Variants in WDR90 observed in about 807,000 individuals in gnomAD.
The protein encoded by WDR90 is WD repeat-containing protein 90.
A neutral mutation model predicts 195.2 loss-of-function variants in WDR90; 238 were observed. That is an observed-to-expected ratio of 1.22 (90% CI 1.10 to 1.36). The LOEUF is 1.36. Ranked by LOEUF, WDR90 falls within the 40% of genes most tolerant of loss-of-function variation. The probability of loss-of-function intolerance (pLI) is 0.00; values close to 1 mark genes in which losing one functional copy is unlikely to be tolerated. For missense variants in WDR90, 2,734 were observed against 2,439.5 expected (o/e 1.12, Z -2.54); for synonymous variants, 1,265 against 1,052.4 (o/e 1.20, Z -3.91).
intron 9 of WDR90, 165 bp from the exon 10 acceptor site, chr16:652,302 G>C: frequency 1.1e-6 from 1 of 881,170 alleles, no homozygotes; most frequent in Non-Finnish European, 1.7e-6. Context: ...AGTGCAACTG[G>C]AGTCCCAGCT....
intron 3 of WDR90, 23 bp from the exon 4 acceptor site, chr16:650,231 A>C (rs1180514246): frequency 6.2e-7 from 1 of 1,611,302 alleles, no homozygotes; most frequent in African/African-American, 1.3e-5. Flanking sequence ...CTGTCTCCTC[A>C]CGGCCCTGCT....
intron 4 of WDR90, 84 bp downstream of exon 4, chr16:650,446 T>G: frequency 6.3e-7 from 1 of 1,590,318 alleles, no homozygotes; most frequent in South Asian, 1.1e-5. Flanking sequence ...CTCTGCGGCC[T>G]GGAGGACAAC....
In WDR90 at chr16:666,556, G is replaced by A. The variant is rs1271079728; in HGVS notation, c.4842G>A (p.Glu1614=). Residue 1614 remains glutamate (E), a synonymous_variant, in exon 38 of 41, where the codon GAG becomes GAA. Transcript: ENST00000293879. ...CCGACTGGCTGCGGAACCACTGTGA[G>A]CTTGTGGACTGGTTGAGTTTCCCAA... is the stretch of plus-strand genomic sequence containing the variant. ...WASDWLRNHC[E]LVDWLSFPMP... 2 of 1,612,788 alleles carry A rather than the reference G, an allele frequency of 1.2e-6. No homozygotes were observed. Among genetic ancestry groups the A allele is most frequent in the Non-Finnish European group, 1.7e-6 (2 of 1,179,968 alleles).
rs544429036 is a variant in WDR90, at chr16:654,029, G to A, written c.1437+226G>A. On this transcript the variant is annotated intron_variant, in intron 13 of 40. Transcript: ENST00000293879. ...TTCACGTCTCGGCTTTTCGGCCATCGGAGTCGGTTTAAGCCAGCGTTTACA... is the reference window on the plus strand; with the variant it reads ...TTCACGTCTCGGCTTTTCGGCCATCAGAGTCGGTTTAAGCCAGCGTTTACA... 2.2e-4 allele frequency: 135 copies of A among 605,926 alleles called. 1 individual carries two copies. The highest frequency in any genetic ancestry group is 2.2e-3 in the African/African-American group (119 of 54,104). The allele number at this position is 605,926 out of a possible 1,614,324, so 37.5% of individuals were successfully genotyped here. A position where few individuals can be genotyped will look rare whatever the true frequency, so the allele number is the denominator to read the frequency against.
chr16:654,782 G>C (rs556730112), intron 13 of WDR90: 1 of 517,814 alleles, frequency 1.9e-6, no homozygotes, highest in South Asian at 2.5e-5. Flanking sequence ...TCCGGCTTGC[G>C]GGGGGGTTTG....
intron 7 of WDR90, 28 bp downstream of exon 7, chr16:651,294 A>G: frequency 6.2e-7 from 1 of 1,611,470 alleles, no homozygotes; most frequent in Non-Finnish European, 8.5e-7. Context: ...GCGGGGACCC[A>G]GGTTAAGGCC....
rs368403852 is a variant in WDR90, at chr16:665,401, C to G, written c.4312-278C>G. ...AGCCTGCTAGGGATGCACGGCCACG[C>G]TCCTGTCTTTGAGGTGCTGTCAGAA... On this transcript the variant is annotated intron_variant, in intron 34 of 40. Coordinates refer to ENST00000293879, the MANE Select transcript of WDR90 (RefSeq NM_145294.5). The G allele has an allele frequency of 7.0e-5, 41 of 588,628 alleles. No individual in the cohort carries two copies. In the African/African-American group the frequency reaches 7.5e-4, roughly 11 times the overall value. The allele number at this position is 588,628 out of a possible 1,614,324, so 36.5% of individuals were successfully genotyped here.
rs936545778 is a variant in WDR90, at chr16:661,414, G to A, written c.3586G>A (p.Gly1196Ser). ...CQIRVWDVSG[G>S]LCQHLIFPHS... ...GATCCGCGTCTGGGACGTGTCTGGC[G>A]GCCTCTGCCAGCATCTCATTTTCCC... Residue 1196 changes from glycine to serine, a missense_variant, in exon 30 of 41, where the codon GGC becomes AGC. Transcript: ENST00000293879. The A allele has an allele frequency of 6.8e-6, 11 of 1,612,186 alleles. No individual in the cohort carries two copies. The highest frequency in any genetic ancestry group is 3.3e-5 in the Admixed American group (2 of 59,972).
chr16:652,361 C>G, intron 9 of WDR90, 106 bp from the exon 10 acceptor site: 1 of 1,352,086 alleles, frequency 7.4e-7, no homozygotes, highest in Admixed American at 2.3e-5. Flanking sequence ...GGGCAGTCTT[C>G]TTGAGAGGCA....
At chr16:649,626 C>A in intron 1 of WDR90, 137 bp from the exon 2 acceptor site, 1 of 1,165,224 alleles carries the variant, frequency 8.6e-7, no homozygotes, top group Non-Finnish European at 1.1e-6. Flanking sequence ...GTCCCGCCAG[C>A]CTAGCTGGCG....
chr16:652,291 C>CA (rs2037663281), intron 9 of WDR90, 176 bp from the exon 10 acceptor site: 3 of 837,280 alleles, frequency 3.6e-6, no homozygotes, highest in Middle Eastern at 2.5e-4. Context: ...GAAGGTCTGG[C>CA]AGTGCAACTG....
rs959320881 is a variant in WDR90 at position 653,565 on chromosome 16, C to T, written c.1274C>T (p.Ala425Val). 1.2e-6 allele frequency: 2 copies of T among 1,613,516 alleles called. No individual in the cohort carries two copies. The highest frequency in any genetic ancestry group is 1.3e-5 in the African/African-American group (1 of 75,068). The change falls in exon 12 of 41, where the codon GCC (alanine) becomes GTC (valine). Residue 425 changes from alanine (A) to valine (V), a missense_variant. By Grantham distance (64) the Ala-to-Val change is moderately conservative. Coordinates refer to ENST00000293879, the MANE Select transcript of WDR90 (RefSeq NM_145294.5). ...CTGGATGGCAGCAGCTCACTATTGG[C>T]CTCGGCCCAGGCAAGGGCCCCTAGT... Reference protein sequence around the residue: ...LALDGSSSLLASAQARAPSVM... With the variant: ...LALDGSSSLLVSAQARAPSVM...
intron 29 of WDR90, 62 bp downstream of exon 29, chr16:661,234 C>A: frequency 6.6e-7 from 1 of 1,519,932 alleles, no homozygotes; most frequent in East Asian, 2.4e-5. Context: ...AACCCAGCTC[C>A]CGGACCGGTG....
intron 26 of WDR90, 120 bp downstream of exon 26, chr16:659,496 C>G (rs1411532436): frequency 1.5e-6 from 2 of 1,358,364 alleles, no homozygotes; most frequent in Non-Finnish European, 1.0e-6. Context: ...CGCTGCTCAT[C>G]AGGTGGAACA....
chr16:652,757 C>T (rs905170625), intron 10 of WDR90, among the ~76,000 whole-genome samples: 5 of 152,336 alleles, frequency 3.3e-5, no homozygotes, highest in Non-Finnish European at 7.3e-5. Context: ...CCCGGGGGCT[C>T]TCAGGGTCAC....
At chr16:649,720 C>T (rs1392582160) in intron 1 of WDR90, 43 bp from the exon 2 acceptor site, 1 of 1,529,830 alleles carries the variant, frequency 6.5e-7, no homozygotes, top group Non-Finnish European at 8.8e-7. Flanking sequence ...GGCCCCGGCT[C>T]GCGTGGCCGA....
chr16:666,537 G>A lies in WDR90; in HGVS notation c.4823G>A (p.Trp1608Ter). The A allele has an allele frequency of 1.2e-6, 2 of 1,612,768 alleles. No homozygotes were observed. Among genetic ancestry groups the A allele is most frequent in the Non-Finnish European group, 8.5e-7 (1 of 1,179,984 alleles). The change falls in exon 38 of 41, where the codon TGG becomes TAG. Residue 1608 changes from tryptophan to a stop codon, truncating the protein, a stop_gained. Coordinates refer to ENST00000293879, the MANE Select transcript of WDR90 (RefSeq NM_145294.5). LOFTEE classifies it high-confidence loss of function. The stretch of plus-strand genomic sequence containing the variant: ...CGGGTCAGCGTCTGGGCCTCCGACT[G>A]GCTGCGGAACCACTGTGAGCTTGTG... ...DQRVSVWASD[W>*]LRNHCELVDW...
In WDR90 at chr16:656,753, G is replaced by C. The variant is rs1427752065; in HGVS notation, c.2224G>C (p.Glu742Gln). 2 of 1,613,068 alleles carry C rather than the reference G, an allele frequency of 1.2e-6. No individual in the cohort carries two copies. Residue 742 changes from glutamate (E) to glutamine (Q), a missense_variant, in exon 19 of 41, where the codon GAG (glutamate) becomes CAG (glutamine). Transcript: ENST00000293879. ...LQQLYDFTSS[E>Q]DAPCAVTFHP... ...ACAGCTATACGACTTCACATCATCA[G>C]AGGACGCCCCGTGCGCTGTCACCTT...
rs778235266 is a variant in WDR90, at chr16:660,125, G to T, written c.3252G>T (p.Thr1084=). 1 of 1,541,532 alleles carries T rather than the reference G, an allele frequency of 6.5e-7. No homozygotes were observed. The highest frequency in any genetic ancestry group is 2.4e-5 in the East Asian group (1 of 40,824). ...ACCTGGCTTCCTGCAAGGCCTTCAC[G>T]CCTGCCAGGGTCAGCTGCAGCCCCC... ...TTYLASCKAF[T]PARVSCSPHS... is the part of the protein sequence containing the mutation. The change falls in exon 27 of 41, where the codon ACG becomes ACT. Residue 1084 remains threonine, a synonymous_variant. Coordinates refer to ENST00000293879, the MANE Select transcript of WDR90 (RefSeq NM_145294.5).
Sources: allele counts gnomAD v4.1 joint callset (sites outside exome capture counted in the v4.1 genomes callset), GRCh38; gene constraint gnomAD v4.1.1; transcripts MANE v1.5; gene names NCBI Gene and HGNC (gene_info 2026-07-23, HGNC 2026-07-21).